Variants in ROBO1 observed in about 807,000 individuals in gnomAD.
ROBO1 encodes roundabout guidance receptor 1, also known as roundabout homolog 1.
A neutral mutation model predicts 195.9 loss-of-function variants in ROBO1; 149 were observed. The ratio of observed to expected loss-of-function variants is 0.76; its 90% CI spans 0.67 to 0.87. The LOEUF (loss-of-function observed/expected upper bound fraction) is 0.87. Among genes scored for constraint, ROBO1 ranks in the 40% least tolerant of loss-of-function variants. The probability of loss-of-function intolerance (pLI) is 0.00; values close to 1 mark genes in which losing one functional copy is unlikely to be tolerated. For synonymous variants in ROBO1, 816 were observed against 733.2 expected (o/e 1.11, Z -1.82); for missense variants, 1,933 against 2,068.3 (o/e 0.93, Z 1.27).
At chr3:79,637,310 T>C (rs75166340) in intron 1 of ROBO1, among the ~76,000 whole-genome samples, 6,678 of 152,054 alleles carry the variant, frequency 0.044, 511 homozygotes, top group African/African-American at 0.15. Context: ...TTTCAATAGA[T>C]TGAAACATTT....
chr3:79,281,131 T>C (rs1393602780), intron 2 of ROBO1, among the ~76,000 whole-genome samples: 1 of 152,244 alleles, frequency 6.6e-6, no homozygotes, highest in African/African-American at 2.4e-5. Flanking sequence ...TGCTACTTGA[T>C]AAAATGTGTC....
chr3:78,850,652 T>C (rs1175408195), intron 4 of ROBO1, among the ~76,000 whole-genome samples: 1 of 152,056 alleles, frequency 6.6e-6, no homozygotes, highest in South Asian at 2.1e-4. Context: ...GAACAGGCCA[T>C]GTGATGAGAT....
chr3:79,659,762 T>C (rs1946276593), intron 1 of ROBO1, among the ~76,000 whole-genome samples: 1 of 152,096 alleles, frequency 6.6e-6, no homozygotes. Flanking sequence ...AGTTGGCCAG[T>C]TGACATCATC....
chr3:79,209,662 T>C (rs2081936314), intron 2 of ROBO1, among the ~76,000 whole-genome samples: 1 of 152,062 alleles, frequency 6.6e-6, no homozygotes, highest in African/African-American at 2.4e-5. Context: ...CATGCCAACA[T>C]TGTTTTATTT....
At chr3:78,772,989 T>C in intron 4 of ROBO1, among the ~76,000 whole-genome samples, 1 of 152,210 alleles carries the variant, frequency 6.6e-6, no homozygotes, top group Middle Eastern at 3.4e-3. Context: ...ATTAGATATT[T>C]TGAAAGTACA....
intron 25 of ROBO1, among the ~76,000 whole-genome samples, chr3:78,629,301 T>TC (rs34832716): frequency 3.1e-5 from 4 of 129,228 alleles, no homozygotes; most frequent in East Asian, 2.1e-4. Flanking sequence ...TATATTGCTT[T>TC]TTTTTTAAAA....
At chr3:78,765,504 GA>G (rs1392074596) in intron 4 of ROBO1, among the ~76,000 whole-genome samples, 1 of 151,650 alleles carries the variant, frequency 6.6e-6, no homozygotes, top group African/African-American at 2.4e-5. Flanking sequence ...TTTAAAACTT[GA>G]AAAAAAGACA....
chr3:78,667,027 C>T (rs987623862), intron 14 of ROBO1, among the ~76,000 whole-genome samples: 4 of 151,910 alleles, frequency 2.6e-5, no homozygotes, highest in Admixed American at 6.6e-5. Context: ...TTTACAATGA[C>T]GTGATTTTTT....
chr3:78,973,575 C>CTATATATATATATATATA (rs58598961), intron 3 of ROBO1, among the ~76,000 whole-genome samples: 1 of 129,426 alleles, frequency 7.7e-6, no homozygotes. Context: ...ATATATGAAG[C>CTATATATATATATATATA]TATATATATA....
At chr3:79,693,384 TG>T (rs1947351671) in intron 1 of ROBO1, among the ~76,000 whole-genome samples, 2 of 3,124 alleles carry the variant, frequency 6.4e-4, no homozygotes, top group Admixed American at 8.4e-3. Context: ...TATAGAGATT[TG>T]TGTGTGTGTG....
At chr3:78,682,823 G>C (rs1292036857) in intron 10 of ROBO1, among the ~76,000 whole-genome samples, 2 of 150,494 alleles carry the variant, frequency 1.3e-5, no homozygotes, top group African/African-American at 2.4e-5. Flanking sequence ...TGAATGTACA[G>C]TTGACTTTTT....
intron 3 of ROBO1, among the ~76,000 whole-genome samples, chr3:79,002,219 A>C (rs773547310): frequency 6.6e-6 from 1 of 152,114 alleles, no homozygotes; most frequent in Non-Finnish European, 1.5e-5. Context: ...GAAATAGACA[A>C]TATGAAGGGG....
intron 4 of ROBO1, among the ~76,000 whole-genome samples, chr3:78,807,724 A>G (rs2084589900): frequency 1.3e-5 from 2 of 152,182 alleles, no homozygotes; most frequent in Admixed American, 1.3e-4. Context: ...TTTAACTTTA[A>G]TTTAAACATT....
At chr3:78,818,643 G>A (rs2030450990) in intron 4 of ROBO1, among the ~76,000 whole-genome samples, 1 of 152,360 alleles carries the variant, frequency 6.6e-6, no homozygotes, top group East Asian at 1.9e-4. Context: ...CCATCTTGAA[G>A]CATTCTTGCC....
intron 2 of ROBO1, among the ~76,000 whole-genome samples, chr3:79,380,673 G>C (rs2036539038): frequency 6.6e-6 from 1 of 151,930 alleles, no homozygotes; most frequent in Non-Finnish European, 1.5e-5. Flanking sequence ...CCGAATTAAT[G>C]ACTTCCCTAT....
chr3:79,572,318 C>T (rs1943304924), intron 2 of ROBO1, among the ~76,000 whole-genome samples: 2 of 151,976 alleles, frequency 1.3e-5, no homozygotes, highest in African/African-American at 2.4e-5. Context: ...CATAACACAT[C>T]CTTTTTCTGA....
At chr3:79,083,582 G>C (rs559212931) in intron 3 of ROBO1, among the ~76,000 whole-genome samples, 1 of 152,140 alleles carries the variant, frequency 6.6e-6, no homozygotes, top group African/African-American at 2.4e-5. Context: ...TTAGCAGTAT[G>C]CTCAAAATTT....
At chr3:79,351,460 C>T (rs1384331874) in intron 2 of ROBO1, among the ~76,000 whole-genome samples, 1 of 152,078 alleles carries the variant, frequency 6.6e-6, no homozygotes, top group Non-Finnish European at 1.5e-5. Flanking sequence ...GGCTATGTTC[C>T]TCGATTAGCA....
At chr3:79,047,510 G>A (rs923947270) in intron 3 of ROBO1, among the ~76,000 whole-genome samples, 2 of 152,048 alleles carry the variant, frequency 1.3e-5, no homozygotes, top group African/African-American at 4.8e-5. Flanking sequence ...TGAAGCTAAG[G>A]GCAGGACTGT....
Sources: allele counts gnomAD v4.1 joint callset (sites outside exome capture counted in the v4.1 genomes callset), GRCh38; gene constraint gnomAD v4.1.1; transcripts MANE v1.5; gene names NCBI Gene and HGNC (gene_info 2026-07-23, HGNC 2026-07-21).